The following ANKRD36 variants were observed in gnomAD, a reference collection of about 807,000 sequenced individuals.
The protein encoded by ANKRD36 is ankyrin repeat domain-containing protein 36A.
A neutral mutation model predicts 278.1 loss-of-function variants in ANKRD36; 179 were observed. The observed-to-expected ratio is 0.64, with a 90% CI of 0.57 to 0.73. The LOEUF is 0.73. ANKRD36 is among the 30% of genes least tolerant of loss of function. The pLI is 0.00. For synonymous variants in ANKRD36, 320 were observed against 641.1 expected (o/e 0.50, Z 7.57); for missense variants, 1,159 against 1,956.7 (o/e 0.59, Z 7.69).
chr2:97,182,133 C>G (rs1399498032), intron 26 of ANKRD36, among the ~76,000 whole-genome samples: 1 of 151,430 alleles, frequency 6.6e-6, no homozygotes, highest in Non-Finnish European at 1.5e-5. Context: ...ACAGACATCA[C>G]ATCGTATTGC....
At chr2:97,127,477 TTTAA>T (rs1214219407) in intron 6 of ANKRD36, among the ~76,000 whole-genome samples, 1 of 151,974 alleles carries the variant, frequency 6.6e-6, no homozygotes, top group African/African-American at 2.4e-5. Context: ...AGAACTTCTA[TTTAA>T]TTTGTAAAAT....
chr2:97,187,332 A>G lies in ANKRD36; in HGVS notation c.2074A>G (p.Thr692Ala), dbSNP rs2057627336. ...TTTTCTTTCAAATTCCATTCAGGCT[A>G]CAACTGACGAGGAAGACTCTGTTTC... ...SSQKQPALKA[T>A]TDEEDSVSNI... The change falls in exon 32 of 76, where the codon ACA becomes GCA. Residue 692 changes from threonine to alanine, a missense_variant. Coordinates refer to ENST00000420699, the MANE Select transcript of ANKRD36 (RefSeq NM_001354587.1). 9.3e-6 allele frequency: 15 copies of G among 1,607,172 alleles called. No individual in the cohort carries two copies. Among genetic ancestry groups the G allele is most frequent in the Admixed American group, 1.7e-5 (1 of 59,296 alleles).
chr2:97,136,384 G>A (rs1297223671), intron 6 of ANKRD36, among the ~76,000 whole-genome samples: 2 of 151,600 alleles, frequency 1.3e-5, no homozygotes, highest in African/African-American at 4.8e-5. Flanking sequence ...TAAGAAACTG[G>A]TAAATGTGTT....
At chr2:97,177,671 TC>T (rs2054714515) in intron 22 of ANKRD36, among the ~76,000 whole-genome samples, 1 of 151,756 alleles carries the variant, frequency 6.6e-6, no homozygotes, top group Non-Finnish European at 1.5e-5. Flanking sequence ...TATACAAAAA[TC>T]AATTCAAGAT....
chr2:97,209,507 T>C (rs1444790201), intron 54 of ANKRD36, among the ~76,000 whole-genome samples, 174 bp from the exon 55 acceptor site: 2 of 146,032 alleles, frequency 1.4e-5, no homozygotes, highest in Non-Finnish European at 3.0e-5. Context: ...GAGCCTGTGT[T>C]CCCTTTTTCA....
intron 44 of ANKRD36, among the ~76,000 whole-genome samples, chr2:97,199,697 CG>C (rs1202136056): frequency 6.6e-6 from 1 of 151,832 alleles, no homozygotes; most frequent in Non-Finnish European, 1.5e-5. Flanking sequence ...AAGAAACTTT[CG>C]GAAGGGTAAA....
intron 6 of ANKRD36, among the ~76,000 whole-genome samples, chr2:97,132,804 G>A (rs2040508730): frequency 6.6e-6 from 1 of 152,024 alleles, no homozygotes; most frequent in African/African-American, 2.4e-5. Context: ...ACAAGCTTCC[G>A]GGAGCCCTCT....
At position 97,206,022 on chromosome 2, in the gene ANKRD36, A is replaced by T. The variant is rs1283125489; in HGVS notation, c.3091-41A>T. On this transcript the variant is annotated intron_variant, in intron 51 of 75. Coordinates refer to ENST00000420699, the MANE Select transcript of ANKRD36 (RefSeq NM_001354587.1). The stretch of plus-strand genomic sequence containing the variant: ...CGAGTTAATATATGGTCTATGAAAC[A>T]TACTTTATTTATTTATTATTTTGTT... 7 of 1,543,766 alleles carry T rather than the reference A, an allele frequency of 4.5e-6. No individual in the cohort carries two copies. The South Asian group carries it at 8.3e-5, about 18-fold the overall frequency.
intron 34 of ANKRD36, 49 bp from the exon 35 acceptor site, chr2:97,190,929 T>A (rs1201202525): frequency 3.1e-6 from 5 of 1,594,384 alleles, no homozygotes; most frequent in Admixed American, 3.4e-5. Flanking sequence ...TATGGATAAC[T>A]TTATCATGTT....
In ANKRD36 at chr2:97,202,238, A is replaced by G. The variant is rs772004135; in HGVS notation, c.2886+8A>G. On this transcript the variant is annotated splice_region_variant and intron_variant, in intron 47 of 75. Coordinates refer to ENST00000420699, the MANE Select transcript of ANKRD36 (RefSeq NM_001354587.1). ...AAACCACCAGCCTTGAAGGTAATGA[A>G]ACTCCCATTTATCTTGTGAACGAGT... The G allele has an allele frequency of 2.2e-4, 350 of 1,608,718 alleles. No homozygotes were observed. The highest frequency in any genetic ancestry group is 2.7e-4 in the Non-Finnish European group (315 of 1,178,246).
At chr2:97,178,949 ATATTGGAGTGATTTCCAGATGT>A (rs2055275347) in intron 22 of ANKRD36, among the ~76,000 whole-genome samples, 1 of 151,682 alleles carries the variant, frequency 6.6e-6, no homozygotes, top group Non-Finnish European at 1.5e-5. Flanking sequence ...TTTTCAGGGA[ATATTGGAGTGATTTCCAGATGT>A]AAAAGCTTAT....
intron 22 of ANKRD36, among the ~76,000 whole-genome samples, chr2:97,170,829 A>G (rs1200371541): frequency 8.6e-5 from 13 of 151,498 alleles, no homozygotes; most frequent in Non-Finnish European, 4.4e-5. Context: ...TCCAGAATCT[A>G]CAATGAACTC....
At chr2:97,185,410 T>C in intron 29 of ANKRD36, 28 bp from the exon 30 acceptor site, 2 of 1,607,964 alleles carry the variant, frequency 1.2e-6, no homozygotes, top group Non-Finnish European at 1.7e-6. Context: ...ACTTTCTTTA[T>C]TGATAATTTG....
intron 6 of ANKRD36, among the ~76,000 whole-genome samples, chr2:97,131,486 A>G (rs1448563899): frequency 9.9e-5 from 15 of 152,088 alleles, no homozygotes; most frequent in African/African-American, 3.6e-4. Flanking sequence ...GTCACGAGCC[A>G]TCGTGCTGGT....
rs751215185 is a variant in ANKRD36 at position 97,211,551 on chromosome 2, T to G, written c.3373T>G (p.Ser1125Ala). 11 of 1,606,840 alleles carry G rather than the reference T, an allele frequency of 6.8e-6. No homozygotes were observed. In the Admixed American group the frequency reaches 1.7e-4, roughly 24 times the overall value. The change falls in exon 57 of 76, where the codon TCT becomes GCT. Residue 1125 changes from serine to alanine, a missense_variant. Physicochemically the swap from Ser to Ala is moderately conservative, Grantham distance 99. Transcript: ENST00000420699. ...GTATCCCTTTTGCTTTTCAGTGTCTTCTCCGAAACAACCAGCATTGAAGGT... is the reference window on the plus strand; with the variant it reads ...GTATCCCTTTTGCTTTTCAGTGTCTGCTCCGAAACAACCAGCATTGAAGGT... ...KDGEKSRTVS[S>A]PKQPALKAIC...
intron 6 of ANKRD36, among the ~76,000 whole-genome samples, chr2:97,131,242 T>C (rs778594478): frequency 9.4e-4 from 143 of 151,782 alleles, no homozygotes; most frequent in Non-Finnish European, 1.7e-3. Flanking sequence ...CAGGCTGGAG[T>C]ACAATAGTGT....
chr2:97,147,419 G>C (rs2044554645), intron 11 of ANKRD36, among the ~76,000 whole-genome samples: 1 of 151,702 alleles, frequency 6.6e-6, no homozygotes, highest in Non-Finnish European at 1.5e-5. Context: ...CACAATCAGA[G>C]GTGCATAAAA....
At chr2:97,226,663 C>T (rs1192740030) in intron 67 of ANKRD36, among the ~76,000 whole-genome samples, 1 of 151,936 alleles carries the variant, frequency 6.6e-6, no homozygotes, top group Non-Finnish European at 1.5e-5. Flanking sequence ...GCTTTTGTTG[C>T]CATTGCTTTT....
At chr2:97,130,510 T>C (rs1355768032) in intron 6 of ANKRD36, among the ~76,000 whole-genome samples, 1 of 149,746 alleles carries the variant, frequency 6.7e-6, no homozygotes, top group Non-Finnish European at 1.5e-5. Context: ...GATGAGTTAA[T>C]GGGTGCAGCA....
Sources: gnomAD v4.1 joint callset for allele counts (sites outside exome capture counted in the v4.1 genomes callset) on GRCh38, gnomAD v4.1.1 for gene constraint, MANE v1.5 for transcripts, NCBI Gene and HGNC (gene_info 2026-07-23, HGNC 2026-07-21) for gene names.